The following WWOX variants were observed in gnomAD, a reference collection of about 807,000 sequenced individuals.
WWOX encodes WW domain containing oxidoreductase.
A neutral mutation model predicts 46.2 loss-of-function variants in WWOX; 69 were observed. The ratio of observed to expected loss-of-function variants is 1.49; its 90% CI spans 1.23 to 1.82. WWOX has a LOEUF of 1.82. Among genes scored for constraint, WWOX ranks in the 40% most tolerant of loss-of-function variants. The pLI, the probability that WWOX is intolerant of heterozygous loss-of-function variation, is 0.00. For missense variants in WWOX, 919 were observed against 542.6 expected (o/e 1.69, Z -6.89); for synonymous variants, 359 against 202.6 (o/e 1.77, Z -6.56).
chr16:78,415,657 AAG>A (rs1436539608), intron 6 of WWOX, among the ~76,000 whole-genome samples: 1 of 152,164 alleles, frequency 6.6e-6, no homozygotes, highest in African/African-American at 2.4e-5. Context: ...AAATGCTAGA[AAG>A]AGACGGGGTA....
chr16:78,915,092 G>C (rs1233313578), intron 8 of WWOX, among the ~76,000 whole-genome samples: 1 of 152,048 alleles, frequency 6.6e-6, no homozygotes, highest in African/African-American at 2.4e-5. Flanking sequence ...AGACCTCTTG[G>C]CTGGTTAAAT....
chr16:79,068,161 T>C (rs957598720), intron 8 of WWOX, among the ~76,000 whole-genome samples: 1 of 152,164 alleles, frequency 6.6e-6, no homozygotes, highest in African/African-American at 2.4e-5. Flanking sequence ...GTAAGAGTGA[T>C]TGAGGAGAGA....
intron 8 of WWOX, among the ~76,000 whole-genome samples, chr16:79,102,749 G>A (rs539295626): frequency 1.3e-5 from 2 of 152,238 alleles, no homozygotes; most frequent in South Asian, 2.1e-4. Flanking sequence ...AAGGGTACAT[G>A]TTTAAATTTT....
intron 5 of WWOX, among the ~76,000 whole-genome samples, chr16:78,197,807 G>A (rs1483313698): frequency 4.6e-5 from 7 of 152,162 alleles, no homozygotes; most frequent in South Asian, 2.1e-4. Context: ...GGAGGTGAGC[G>A]ACTTGCCCGA....
At chr16:78,286,127 A>T (rs191725768) in intron 5 of WWOX, among the ~76,000 whole-genome samples, 1 of 152,356 alleles carries the variant, frequency 6.6e-6, no homozygotes, top group African/African-American at 2.4e-5. Flanking sequence ...CATTCAGCTC[A>T]TTAATCAATT....
intron 8 of WWOX, among the ~76,000 whole-genome samples, chr16:78,745,089 TA>T (rs569757201): frequency 6.6e-6 from 1 of 151,740 alleles, no homozygotes; most frequent in Non-Finnish European, 1.5e-5. Context: ...TCTCAAGAGG[TA>T]AAAAAAACTG....
chr16:78,735,996 C>T (rs543945580), intron 8 of WWOX, among the ~76,000 whole-genome samples: 1 of 152,194 alleles, frequency 6.6e-6, no homozygotes, highest in East Asian at 1.9e-4. Flanking sequence ...CGATTCTGGC[C>T]TCTGTTGACT....
intron 8 of WWOX, among the ~76,000 whole-genome samples, chr16:79,118,252 G>A (rs1315969061): frequency 6.6e-6 from 1 of 152,206 alleles, no homozygotes; most frequent in Non-Finnish European, 1.5e-5. Flanking sequence ...CAAGGAGGGG[G>A]AAAGAGAAGG....
At chr16:78,723,723 T>G (rs2048756342) in intron 8 of WWOX, among the ~76,000 whole-genome samples, 1 of 151,986 alleles carries the variant, frequency 6.6e-6, no homozygotes, top group Non-Finnish European at 1.5e-5. Context: ...GAGTGCTCTC[T>G]GGGTTCACTC....
chr16:79,001,742 G>A lies in WWOX; in HGVS notation c.1057-209866G>A, dbSNP rs76892409. ...GAGAGAGGGGGAAATGTGGAGGAAG[G>A]GGGCGTTTGTGCAGTGGGAAGTTGG... On this transcript the variant is annotated intron_variant, in intron 8 of 8. Coordinates refer to ENST00000566780, the MANE Select transcript of WWOX (RefSeq NM_016373.4). 5.6e-3 allele frequency among the ~76,000 whole-genome samples: 847 copies of A among 151,958 alleles called. 37 individuals are homozygous for A. In the East Asian group the frequency reaches 0.09, roughly 16 times the overall value.
At chr16:78,660,422 C>T (rs150255327) in intron 8 of WWOX, among the ~76,000 whole-genome samples, 1 of 152,234 alleles carries the variant, frequency 6.6e-6, no homozygotes, top group African/African-American at 2.4e-5. Context: ...GAAGGGGCCA[C>T]TTAACACAGC....
At chr16:78,213,493 G>T (rs1221161049) in intron 5 of WWOX, among the ~76,000 whole-genome samples, 1 of 151,592 alleles carries the variant, frequency 6.6e-6, no homozygotes, top group Non-Finnish European at 1.5e-5. Flanking sequence ...TGAAGATCAG[G>T]ATACTTATGA....
intron 8 of WWOX, among the ~76,000 whole-genome samples, chr16:78,985,643 C>G (rs1348392811): frequency 3.3e-5 from 5 of 152,172 alleles, no homozygotes; most frequent in Admixed American, 2.0e-4. Context: ...GTGGTGCATG[C>G]CTGTAGTCCC....
chr16:78,366,432 T>C (rs2081537968), intron 5 of WWOX, among the ~76,000 whole-genome samples: 1 of 152,178 alleles, frequency 6.6e-6, no homozygotes, highest in Admixed American at 6.5e-5. Context: ...CAACAGACAC[T>C]CTAAGGAATG....
At chr16:78,508,706 G>A (rs1382197235) in intron 8 of WWOX, among the ~76,000 whole-genome samples, 1 of 152,186 alleles carries the variant, frequency 6.6e-6, no homozygotes, top group Non-Finnish European at 1.5e-5. Flanking sequence ...TGGTGGTCAT[G>A]GAGAAAGAGT....
chr16:78,715,193 A>G lies in WWOX; in HGVS notation c.1056+282441A>G, dbSNP rs192764504. Among the ~76,000 whole-genome samples, 9 of 152,318 alleles carry G rather than the reference A, an allele frequency of 5.9e-5. No homozygotes were observed. In the East Asian group the frequency reaches 1.4e-3, roughly 23 times the overall value. ...TCAGTTAGAAGATTTATCAGTGAGA[A>G]AAGAGTTCAGTTGCAAGTTAAAGAA... On this transcript the variant is annotated intron_variant, in intron 8 of 8. Coordinates refer to ENST00000566780, the MANE Select transcript of WWOX (RefSeq NM_016373.4).
At chr16:78,110,114 G>C (rs2032404303) in intron 3 of WWOX, among the ~76,000 whole-genome samples, 1 of 151,840 alleles carries the variant, frequency 6.6e-6, no homozygotes, top group Non-Finnish European at 1.5e-5. Flanking sequence ...GGTCGAAGTG[G>C]GTGGATCCTG....
chr16:78,320,251 G>A (rs1000737072), intron 5 of WWOX, among the ~76,000 whole-genome samples: 6 of 152,154 alleles, frequency 3.9e-5, no homozygotes, highest in Non-Finnish European at 8.8e-5. Context: ...GTTTTTAAGT[G>A]GAAGAGTACA....
At chr16:78,706,854 T>C (rs990465470) in intron 8 of WWOX, among the ~76,000 whole-genome samples, 3 of 152,046 alleles carry the variant, frequency 2.0e-5, no homozygotes, top group Non-Finnish European at 4.4e-5. Context: ...TGGAGTGTAA[T>C]TGACGCAATC....
Sources: allele counts gnomAD v4.1 joint callset (sites outside exome capture counted in the v4.1 genomes callset), GRCh38; gene constraint gnomAD v4.1.1; transcripts MANE v1.5; gene names NCBI Gene and HGNC (gene_info 2026-07-23, HGNC 2026-07-21).